Variants in SRGAP1 observed in about 807,000 individuals in gnomAD.
SRGAP1 encodes SLIT-ROBO Rho GTPase-activating protein 1.
SRGAP1 carries 43 observed loss-of-function variants against 121.9 expected under a neutral mutation model. That is an observed-to-expected ratio of 0.35 (90% CI 0.28 to 0.46). The LOEUF (loss-of-function observed/expected upper bound fraction) is 0.46, where lower values mean the gene tolerates loss of function less well. Among genes scored for constraint, SRGAP1 ranks in the 20% least tolerant of loss-of-function variants. SRGAP1 has a pLI of 1.00. For missense variants in SRGAP1, 1,102 were observed against 1,350.9 expected (o/e 0.82, Z 2.89); for synonymous variants, 447 against 485.4 (o/e 0.92, Z 1.04).
chr12:64,100,300 AT>A (rs1397018028), intron 15 of SRGAP1, among the ~76,000 whole-genome samples: 1 of 152,216 alleles, frequency 6.6e-6, no homozygotes, highest in East Asian at 1.9e-4. Flanking sequence ...CTCAAGTTAC[AT>A]TGTTTCCAGC....
At chr12:64,139,933 G>C (rs1230068951) in intron 21 of SRGAP1, among the ~76,000 whole-genome samples, 2 of 149,120 alleles carry the variant, frequency 1.3e-5, no homozygotes, top group South Asian at 4.3e-4. Flanking sequence ...GTGTAAGGAA[G>C]GGATCCAGTT....
rs1555177613 is a variant in SRGAP1, at chr12:64,141,287, A to AG, written c.2881-1008_2881-1007insG. 2.1e-4 allele frequency among the ~76,000 whole-genome samples: 30 copies of AG among 144,676 alleles called. 1 individual carries two copies. Among genetic ancestry groups the AG allele is most frequent in the Middle Eastern group, 3.6e-3 (1 of 276 alleles). The allele number at this position is 144,676 out of a possible 152,430, so 94.9% of individuals were successfully genotyped here. A position where few individuals can be genotyped will look rare whatever the true frequency, so the allele number is the denominator to read the frequency against. On this transcript the variant is annotated intron_variant, in intron 21 of 21. Coordinates refer to ENST00000355086, the MANE Select transcript of SRGAP1 (RefSeq NM_020762.4). ...TAAAGTATAATAAAAAAAAAAAAAA[A>AG]AAAGAAAAACTTGGCCCGGCACGGT...
At chr12:63,994,148 T>G (rs1019121995) in intron 3 of SRGAP1, among the ~76,000 whole-genome samples, 1 of 152,194 alleles carries the variant, frequency 6.6e-6, no homozygotes, top group African/African-American at 2.4e-5. Flanking sequence ...ATGAGTTATA[T>G]ATGGAAAACC....
chr12:63,944,834 G>C (rs1429619690), intron 1 of SRGAP1, among the ~76,000 whole-genome samples: 1 of 152,158 alleles, frequency 6.6e-6, no homozygotes, highest in East Asian at 1.9e-4. Flanking sequence ...CAGGAACCCA[G>C]GTGCATGCTG....
intron 11 of SRGAP1, among the ~76,000 whole-genome samples, chr12:64,087,853 C>G (rs1348214754): frequency 1.3e-5 from 2 of 152,230 alleles, no homozygotes; most frequent in Non-Finnish European, 2.9e-5. Flanking sequence ...TTAACACATA[C>G]TCCCATATTG....
At chr12:64,043,904 A>C (rs181914654) in intron 6 of SRGAP1, among the ~76,000 whole-genome samples, 39 of 152,324 alleles carry the variant, frequency 2.6e-4, no homozygotes, top group Non-Finnish European at 4.6e-4. Context: ...TTAATTCAAA[A>C]TATATTTATT....
Position 64,155,068 on chromosome 12 carries a change from A to AGAG in SRGAP1, c.*12397_*12399dup. ...TTTTTCTTTTTCTTTTTTTTGAGAC[A>AGAG]GAGTCTCACTCTGTCACCCAGGCTG... On this transcript the variant is annotated 3_prime_UTR_variant, in exon 22 of 22. Coordinates refer to ENST00000355086, the MANE Select transcript of SRGAP1 (RefSeq NM_020762.4). 6.6e-6 allele frequency: 1 copy of AGAG among 151,936 alleles called. No homozygotes were observed. The highest frequency in any genetic ancestry group is 2.4e-5 in the African/African-American group (1 of 41,468). The allele number at this position is 151,936 out of a possible 1,614,324, so 9.4% of individuals were successfully genotyped here.
chr12:64,091,434 TC>T (rs2036050748), intron 12 of SRGAP1, 56 bp downstream of exon 12: 6 of 1,319,498 alleles, frequency 4.5e-6, no homozygotes, highest in Non-Finnish European at 6.4e-6. Context: ...TATAATGGTC[TC>T]AGCCTCTTGT....
chr12:64,060,766 C>T (rs2035436733), intron 6 of SRGAP1, among the ~76,000 whole-genome samples: 1 of 152,140 alleles, frequency 6.6e-6, no homozygotes, highest in African/African-American at 2.4e-5. Flanking sequence ...CTGGTAGATA[C>T]ATCCTTTGTA....
chr12:64,102,782 G>C (rs946514279), intron 15 of SRGAP1, among the ~76,000 whole-genome samples: 1 of 151,976 alleles, frequency 6.6e-6, no homozygotes, highest in African/African-American at 2.4e-5. Context: ...CCATTTTGTG[G>C]GTACACACTC....
In SRGAP1 at chr12:64,080,243, C is replaced by CAAA. The variant is rs59896917; in HGVS notation, c.1324-32_1324-30dup. The stretch of plus-strand genomic sequence containing the variant: ...GGGTGACAAGAATGAAACTCTGTCT[C>CAAA]AAAAAAAAAAAAAGATTTAAAAATT... On this transcript the variant is annotated intron_variant, in intron 9 of 21. Coordinates refer to ENST00000355086, the MANE Select transcript of SRGAP1 (RefSeq NM_020762.4). 35 of 1,265,160 alleles carry CAAA rather than the reference C, an allele frequency of 2.8e-5. No individual in the cohort carries two copies. The African/African-American group carries it at 5.0e-4, about 18-fold the overall frequency. 78.4% of individuals were successfully genotyped at this position (1,265,160 alleles called of 1,614,324 possible). A position where few individuals can be genotyped will look rare whatever the true frequency, so the allele number is the denominator to read the frequency against.
intron 10 of SRGAP1, among the ~76,000 whole-genome samples, chr12:64,083,176 G>A (rs2035877757): frequency 6.6e-6 from 1 of 152,166 alleles, no homozygotes; most frequent in African/African-American, 2.4e-5. Flanking sequence ...GAGCTCTTAT[G>A]GAGGAATCTG....
intron 8 of SRGAP1, among the ~76,000 whole-genome samples, chr12:64,066,178 T>G (rs902800823): frequency 6.6e-6 from 1 of 152,270 alleles, no homozygotes; most frequent in Non-Finnish European, 1.5e-5. Flanking sequence ...TTTATCACTT[T>G]GAAGTGATTT....
intron 4 of SRGAP1, among the ~76,000 whole-genome samples, chr12:64,042,537 A>C (rs1171848277): frequency 2.6e-5 from 4 of 152,138 alleles, no homozygotes; most frequent in African/African-American, 9.7e-5. Flanking sequence ...AAGTATGCAT[A>C]AGACTCCGTA....
chr12:63,910,760 C>T (rs1010714657), intron 1 of SRGAP1, among the ~76,000 whole-genome samples: 10 of 152,108 alleles, frequency 6.6e-5, no homozygotes, highest in African/African-American at 2.2e-4. Context: ...CTTTTATATT[C>T]ACTACTGGTG....
At chr12:64,109,132 A>C in intron 16 of SRGAP1, 95 bp downstream of exon 16, 2 of 771,692 alleles carry the variant, frequency 2.6e-6, no homozygotes, top group East Asian at 5.6e-5. Context: ...TTATCAGCAG[A>C]GTCAAAGAGA....
rs1303664817 is a variant in SRGAP1 at position 64,080,250 on chromosome 12, A to C, written c.1324-36A>C. Reference sequence around the variant, plus strand: ...AAGAATGAAACTCTGTCTCAAAAAAAAAAAAAGATTTAAAAATTATTCTTG... The same window carrying C: ...AAGAATGAAACTCTGTCTCAAAAAACAAAAAAGATTTAAAAATTATTCTTG... On this transcript the variant is annotated intron_variant, in intron 9 of 21. Transcript: ENST00000355086. The C allele has an allele frequency of 1.9e-6, 3 of 1,565,126 alleles. No homozygotes were observed. In the East Asian group the frequency reaches 7.0e-5, roughly 36 times the overall value.
At chr12:64,062,204 T>C (rs771978950) in intron 6 of SRGAP1, among the ~76,000 whole-genome samples, 10 of 152,206 alleles carry the variant, frequency 6.6e-5, no homozygotes, top group Non-Finnish European at 1.3e-4. Context: ...GTCTGTCTTA[T>C]TGATTGCAGC....
intron 1 of SRGAP1, among the ~76,000 whole-genome samples, chr12:63,935,919 T>C (rs912696429): frequency 6.6e-6 from 1 of 152,104 alleles, no homozygotes; most frequent in African/African-American, 2.4e-5. Context: ...CAGGAACATT[T>C]ATACCCAAAA....
Sources: gnomAD v4.1 joint callset for allele counts (sites outside exome capture counted in the v4.1 genomes callset) on GRCh38, gnomAD v4.1.1 for gene constraint, MANE v1.5 for transcripts, NCBI Gene and HGNC (gene_info 2026-07-23, HGNC 2026-07-21) for gene names.